CDC42BPA: variants seen among roughly 807,000 people sequenced by gnomAD.
CDC42BPA encodes CDC42 binding protein kinase alpha.
In CDC42BPA, 80 loss-of-function variants were observed where a neutral mutation model predicts 223.5. That is an observed-to-expected ratio of 0.36 (90% CI 0.30 to 0.43). The LOEUF (loss-of-function observed/expected upper bound fraction) is 0.43, where lower values mean the gene tolerates loss of function less well. CDC42BPA is among the 20% of genes least tolerant of loss of function. The pLI is 1.00. For synonymous variants in CDC42BPA, 694 were observed against 718.6 expected (o/e 0.97, Z 0.55); for missense variants, 1,743 against 2,099.9 (o/e 0.83, Z 3.32).
At chr1:227,209,232 T>C (rs28801083) in intron 3 of CDC42BPA, among the ~76,000 whole-genome samples, 37,133 of 136,470 alleles carry the variant, frequency 0.27, 5,333 homozygotes, top group East Asian at 0.33. Flanking sequence ...GCTGAAGTTG[T>C]TTATCAGCTT....
At chr1:227,153,373 ATAAC>A (rs1461853507) in intron 6 of CDC42BPA, among the ~76,000 whole-genome samples, 3 of 152,010 alleles carry the variant, frequency 2.0e-5, no homozygotes, top group African/African-American at 7.2e-5. Flanking sequence ...GAAACCAGGA[ATAAC>A]TAACTAAACA....
intron 10 of CDC42BPA, among the ~76,000 whole-genome samples, chr1:227,132,587 C>T (rs1657407439): frequency 6.8e-6 from 1 of 148,070 alleles, no homozygotes. Context: ...TCTGCCTGGC[C>T]GCCCATCGTC....
At chr1:227,201,312 A>AT (rs1043048425) in intron 3 of CDC42BPA, among the ~76,000 whole-genome samples, 15 of 151,656 alleles carry the variant, frequency 9.9e-5, no homozygotes, top group African/African-American at 3.4e-4. Context: ...TGCCCAGCTA[A>AT]TTTTTTTTAT....
intron 15 of CDC42BPA, among the ~76,000 whole-genome samples, chr1:227,097,517 T>C (rs916163708): frequency 6.6e-6 from 1 of 152,166 alleles, no homozygotes; most frequent in Non-Finnish European, 1.5e-5. Flanking sequence ...CATCAGGTGA[T>C]GATCAGGTGG....
chr1:227,158,715 C>A (rs1236200050), intron 6 of CDC42BPA, among the ~76,000 whole-genome samples: 1 of 152,170 alleles, frequency 6.6e-6, no homozygotes, highest in South Asian at 2.1e-4. Context: ...TCCCCTAGCA[C>A]TGTTTCCTGC....
intron 2 of CDC42BPA, among the ~76,000 whole-genome samples, chr1:227,232,191 T>C (rs1460972534): frequency 6.6e-6 from 1 of 152,202 alleles, no homozygotes; most frequent in Non-Finnish European, 1.5e-5. Flanking sequence ...AGTTTCAGCT[T>C]TTTACATATG....
At chr1:227,038,956 G>C (rs192699064) in intron 24 of CDC42BPA, among the ~76,000 whole-genome samples, 96 of 152,298 alleles carry the variant, frequency 6.3e-4, no homozygotes, top group African/African-American at 2.1e-3. Context: ...TATAATGAGA[G>C]TGTTTTGAGA....
Position 227,281,875 on chromosome 1 carries a change from G to GA in CDC42BPA, c.179-27721dup, listed in dbSNP as rs1322684796. 1.9e-4 allele frequency among the ~76,000 whole-genome samples: 29 copies of GA among 152,072 alleles called. No homozygotes were observed. The East Asian group carries it at 5.4e-3, about 28-fold the overall frequency. ...GGGTAAAACCAGAGCAGTCAATCAG[G>GA]AAAAAAGAGTTCTAATAATTAAAAG... On this transcript the variant is annotated intron_variant, in intron 1 of 36. Transcript: ENST00000366766.
chr1:227,265,296 G>A (rs1213830133), intron 1 of CDC42BPA: 1 of 474,792 alleles, frequency 2.1e-6, no homozygotes, highest in Admixed American at 3.3e-5. Flanking sequence ...GACACAAAAG[G>A]CTTCGTTTCC....
rs528926356 is a variant in CDC42BPA, at chr1:227,077,829, A to G, written c.2480+3064T>C. ...ATTTTCTTAACCTCCTTAACTCACA[A>G]TTCAGGAATACTAATTTCTCCTCAT... On this transcript the variant is annotated intron_variant, in intron 17 of 36. Coordinates refer to ENST00000366766, the MANE Select transcript of CDC42BPA (RefSeq NM_001394014.1). Among the ~76,000 whole-genome samples, 9 of 152,218 alleles carry G rather than the reference A, an allele frequency of 5.9e-5. No individual in the cohort carries two copies. The South Asian group carries it at 1.9e-3, about 32-fold the overall frequency.
chr1:226,994,216 AG>A lies in CDC42BPA; in HGVS notation c.*51del. ...GGTGGAGGGAAGAGATGAAAGTGAG[AG>A]GAGGCGAGTGGCAGGGAGCGGAGAG... On this transcript the variant is annotated 3_prime_UTR_variant, in exon 37 of 37. Coordinates refer to ENST00000366766, the MANE Select transcript of CDC42BPA (RefSeq NM_001394014.1). The surrounding 1 kb of genome is among the most constrained non-coding windows in gnomAD (Gnocchi z 4.0). 6.5e-7 allele frequency: 1 copy of A among 1,530,180 alleles called. No homozygotes were observed. Among genetic ancestry groups the A allele is most frequent in the African/African-American group, 1.4e-5 (1 of 72,430 alleles). 94.8% of individuals were successfully genotyped at this position (1,530,180 alleles called of 1,614,324 possible).
At chr1:227,200,788 A>G (rs1671625398) in intron 3 of CDC42BPA, among the ~76,000 whole-genome samples, 1 of 152,202 alleles carries the variant, frequency 6.6e-6, no homozygotes, top group South Asian at 2.1e-4. Flanking sequence ...CCTGAGTGCT[A>G]TACCAATTAC....
chr1:227,220,273 A>G (rs1675587216), intron 2 of CDC42BPA, among the ~76,000 whole-genome samples: 1 of 121,526 alleles, frequency 8.2e-6, no homozygotes, highest in African/African-American at 3.0e-5. Context: ...TTAATGAAAA[A>G]AAGTCATGTT....
chr1:227,027,514 T>C (rs1201756172), intron 30 of CDC42BPA, among the ~76,000 whole-genome samples: 1 of 152,210 alleles, frequency 6.6e-6, no homozygotes, highest in Non-Finnish European at 1.5e-5. Flanking sequence ...TATAGACAAC[T>C]TTTCCATGTA....
At chr1:227,287,215 A>G (rs1688949464) in intron 1 of CDC42BPA, among the ~76,000 whole-genome samples, 9 of 152,160 alleles carry the variant, frequency 5.9e-5, no homozygotes, top group Admixed American at 5.9e-4. Flanking sequence ...CCAATGCTCC[A>G]AAAGTACTGT....
At chr1:227,223,768 A>T (rs1676350061) in intron 2 of CDC42BPA, among the ~76,000 whole-genome samples, 1 of 152,210 alleles carries the variant, frequency 6.6e-6, no homozygotes, top group Non-Finnish European at 1.5e-5. Context: ...TCAACTTTAC[A>T]GATGGTGCAA....
intron 1 of CDC42BPA, among the ~76,000 whole-genome samples, chr1:227,289,580 A>G (rs1689351118): frequency 6.6e-6 from 1 of 152,122 alleles, no homozygotes; most frequent in Non-Finnish European, 1.5e-5. Context: ...CCCCCAAATT[A>G]TAATGTAAGC....
At chr1:227,179,123 G>C (rs1485959609) in intron 5 of CDC42BPA, among the ~76,000 whole-genome samples, 1 of 152,162 alleles carries the variant, frequency 6.6e-6, no homozygotes, top group Non-Finnish European at 1.5e-5. Context: ...GTCTGGAATA[G>C]GCAAATCTAC....
At chr1:227,187,055 T>C (rs1395481416) in intron 5 of CDC42BPA, among the ~76,000 whole-genome samples, 1 of 152,248 alleles carries the variant, frequency 6.6e-6, no homozygotes, top group African/African-American at 2.4e-5. Flanking sequence ...CTATGCTCTC[T>C]GGTGGCCATC....
Sources: allele counts gnomAD v4.1 joint callset (sites outside exome capture counted in the v4.1 genomes callset), GRCh38; gene constraint gnomAD v4.1.1; non-coding constraint Gnocchi (gnomAD v3.1); transcripts MANE v1.5; gene names NCBI Gene and HGNC (gene_info 2026-07-23, HGNC 2026-07-21).